The following ODAD2 variants were observed in gnomAD, a reference collection of about 807,000 sequenced individuals.
ODAD2 encodes outer dynein arm-docking complex subunit 2.
ODAD2 carries 89 observed loss-of-function variants against 106.8 expected under a neutral mutation model. The observed-to-expected ratio is 0.83, with a 90% CI of 0.70 to 0.99. The LOEUF (loss-of-function observed/expected upper bound fraction) is 0.99, where lower values mean the gene tolerates loss of function less well. Among genes scored for constraint, ODAD2 ranks in the 50% least tolerant of loss-of-function variants. The pLI is 0.00. For synonymous variants in ODAD2, 404 were observed against 436.2 expected (o/e 0.93, Z 0.92); for missense variants, 1,168 against 1,238.5 (o/e 0.94, Z 0.85).
chr10:27,815,607 T>TAGTG (rs1247672176), intron 19 of ODAD2, among the ~76,000 whole-genome samples: 2 of 152,230 alleles, frequency 1.3e-5, no homozygotes, highest in Admixed American at 6.5e-5. Context: ...TCTCTGCCAC[T>TAGTG]GGCTTCTTCT....
chr10:27,924,008 A>AAGAAAGAAAGAGAGAG (rs1554810837), intron 16 of ODAD2, among the ~76,000 whole-genome samples: 2 of 104,188 alleles, frequency 1.9e-5, no homozygotes, highest in South Asian at 3.1e-4. Flanking sequence ...GAAAGAAAGA[A>AAGAAAGAAAGAGAGAG]AGAAAGAAAG....
At chr10:27,984,157 T>C (rs1849730153) in intron 5 of ODAD2, 27 bp downstream of exon 5, 1 of 1,558,698 alleles carries the variant, frequency 6.4e-7, no homozygotes, top group Non-Finnish European at 8.8e-7. Context: ...GTAAATAACA[T>C]AAAATGAGCC....
chr10:27,876,990 T>C (rs1217757534), intron 17 of ODAD2, among the ~76,000 whole-genome samples: 2 of 152,210 alleles, frequency 1.3e-5, no homozygotes, highest in Non-Finnish European at 2.9e-5. Context: ...CTCAGTCTTC[T>C]TGTTCTTTGA....
chr10:27,936,731 A>AACATT lies in ODAD2; in HGVS notation c.2242_2246dup (p.Thr750MetfsTer18). ...TATTGAGAGCCTTCTCTTACTTGGT[A>AACATT]ACATTCTCTTTGCTGATGGAACATT... On this transcript the variant is annotated frameshift_variant, in exon 15 of 20. Transcript: ENST00000305242. LOFTEE classifies it high-confidence loss of function. 1 of 1,613,876 alleles carries AACATT rather than the reference A, an allele frequency of 6.2e-7. No homozygotes were observed. Among genetic ancestry groups the AACATT allele is most frequent in the East Asian group, 2.2e-5 (1 of 44,878 alleles).
rs748401451 is a variant in ODAD2 at position 27,860,642 on chromosome 10, C to T, written c.3004G>A (p.Glu1002Lys). 3 of 1,613,624 alleles carry T rather than the reference C, an allele frequency of 1.9e-6. No homozygotes were observed. Among genetic ancestry groups the T allele is most frequent in the African/African-American group, 2.7e-5 (2 of 74,902 alleles). The stretch of plus-strand genomic sequence containing the variant: ...AACTGTACCTTTACTGCACCATTCT[C>T]ATGCATGGTGATGCAGTTATCGGCG... Reference protein sequence around the residue: ...EDADNCITMHENGAVKLLLDM... With the variant: ...EDADNCITMHKNGAVKLLLDM... The change falls in exon 19 of 20, where the codon GAG (glutamate) becomes AAG (lysine). Residue 1002 changes from glutamate (E) to lysine (K), a missense_variant. Coordinates refer to ENST00000305242, the MANE Select transcript of ODAD2 (RefSeq NM_018076.5).
chr10:27,877,488 CT>C (rs141508372), intron 17 of ODAD2, among the ~76,000 whole-genome samples: 8,645 of 152,264 alleles, frequency 0.057, 317 homozygotes, highest in East Asian at 0.13. Flanking sequence ...GCAGGTCCCT[CT>C]GAAGTTTATT....
At chr10:27,960,902 C>T (rs986908108) in intron 10 of ODAD2, among the ~76,000 whole-genome samples, 29 of 152,160 alleles carry the variant, frequency 1.9e-4, no homozygotes, top group East Asian at 9.6e-4. Flanking sequence ...TAATATCTGA[C>T]GTCAGAAATG....
intron 19 of ODAD2, among the ~76,000 whole-genome samples, chr10:27,848,142 G>A (rs933759879): frequency 7.2e-5 from 11 of 152,114 alleles, no homozygotes; most frequent in South Asian, 2.1e-4. Flanking sequence ...GAACAAAGCC[G>A]GAGGCATCAC....
intron 17 of ODAD2, among the ~76,000 whole-genome samples, chr10:27,864,625 G>T (rs1840310600): frequency 2.0e-5 from 3 of 150,958 alleles, no homozygotes. Context: ...TGGGGAGTGA[G>T]GGGAGAGTGA....
chr10:27,883,223 G>C (rs1461234990), intron 17 of ODAD2, among the ~76,000 whole-genome samples: 2 of 152,026 alleles, frequency 1.3e-5, no homozygotes, highest in Non-Finnish European at 2.9e-5. Flanking sequence ...CCTTATCACA[G>C]GGTGGCAGAC....
intron 19 of ODAD2, among the ~76,000 whole-genome samples, chr10:27,843,564 G>C (rs1838472176): frequency 6.6e-6 from 1 of 152,078 alleles, no homozygotes; most frequent in South Asian, 2.1e-4. Context: ...TCAGGAGTTT[G>C]AGACCAGGCT....
At chr10:27,905,223 A>C (rs1158561613) in intron 17 of ODAD2, 1 of 160,150 alleles carries the variant, frequency 6.2e-6, no homozygotes, top group Non-Finnish European at 1.4e-5. Flanking sequence ...TTTCAGTTCA[A>C]AAAAAAGAAA....
At chr10:27,979,288 C>G (rs1037870793) in intron 7 of ODAD2, among the ~76,000 whole-genome samples, 1 of 151,090 alleles carries the variant, frequency 6.6e-6, no homozygotes, top group Admixed American at 6.6e-5. Flanking sequence ...TTTTACCACT[C>G]TTATTCAACA....
chr10:27,886,072 A>G (rs1337484980), intron 17 of ODAD2, among the ~76,000 whole-genome samples: 1 of 150,430 alleles, frequency 6.6e-6, no homozygotes, highest in African/African-American at 2.4e-5. Flanking sequence ...CCAAAACAAC[A>G]AACAAAAAGA....
chr10:27,953,850 G>A (rs894161309), intron 10 of ODAD2, among the ~76,000 whole-genome samples: 3 of 152,114 alleles, frequency 2.0e-5, no homozygotes, highest in African/African-American at 7.2e-5. Context: ...GGGAGTAAGG[G>A]AAACGGGAAG....
At chr10:27,934,802 A>C (rs1049176989) in intron 16 of ODAD2, among the ~76,000 whole-genome samples, 1 of 152,170 alleles carries the variant, frequency 6.6e-6, no homozygotes, top group Non-Finnish European at 1.5e-5. Flanking sequence ...AAATCCTCCC[A>C]ATATGACCAA....
chr10:27,984,070 T>C, intron 5 of ODAD2, 91 bp from the exon 6 acceptor site: 1 of 1,530,550 alleles, frequency 6.5e-7, no homozygotes, highest in Non-Finnish European at 8.9e-7. Context: ...ATTGTGGAAA[T>C]TTTAAGCTTT....
intron 17 of ODAD2, among the ~76,000 whole-genome samples, chr10:27,885,522 AAAAAAAAAAAAATAT>A (rs1842028225): frequency 5.8e-5 from 1 of 17,282 alleles, no homozygotes; most frequent in Non-Finnish European, 1.3e-4. Context: ...AAAAAAAAAA[AAAAAAAAAAAAATAT>A]ATATATATAT....
intron 15 of ODAD2, 120 bp downstream of exon 15, chr10:27,936,606 T>A (rs1845990662): frequency 8.6e-7 from 1 of 1,163,648 alleles, no homozygotes; most frequent in Non-Finnish European, 1.2e-6. Context: ...GCTAACTTCA[T>A]CCAGAATGTA....
Sources: allele counts gnomAD v4.1 joint callset (sites outside exome capture counted in the v4.1 genomes callset), GRCh38; gene constraint gnomAD v4.1.1; transcripts MANE v1.5; gene names NCBI Gene and HGNC (gene_info 2026-07-23, HGNC 2026-07-21).